NELL1: variants seen among roughly 807,000 people sequenced by gnomAD.
The protein encoded by NELL1 is neural EGFL like 1.
A neutral mutation model predicts 107.4 loss-of-function variants in NELL1; 76 were observed. That is an observed-to-expected ratio of 0.71 (90% CI 0.59 to 0.86). The LOEUF is 0.86. Ranked by LOEUF, NELL1 falls within the 40% of genes least tolerant of loss-of-function variation. The pLI is 0.00. For synonymous variants in NELL1, 353 were observed against 341.2 expected (o/e 1.03, Z -0.38); for missense variants, 1,024 against 1,005.5 (o/e 1.02, Z -0.25).
At chr11:20,762,469 CA>C (rs1856442512) in intron 2 of NELL1, among the ~76,000 whole-genome samples, 1 of 152,164 alleles carries the variant, frequency 6.6e-6, no homozygotes, top group East Asian at 1.9e-4. Context: ...AGCTTCAAAT[CA>C]TAATTAGGGC....
intron 15 of NELL1, among the ~76,000 whole-genome samples, chr11:21,417,391 T>C (rs1477078596): frequency 1.3e-5 from 2 of 152,082 alleles, no homozygotes; most frequent in Non-Finnish European, 2.9e-5. Context: ...AAGTTGTTTA[T>C]ATTTTTCATG....
rs180860440 is a variant in NELL1 at position 21,184,226 on chromosome 11, T to G, written c.1427-45106T>G. Among the ~76,000 whole-genome samples the G allele has an allele frequency of 3.7e-4, 56 of 152,004 alleles. 1 individual carries two copies. Among genetic ancestry groups the G allele is most frequent in the Admixed American group, 5.9e-4 (9 of 15,276 alleles). ...ACCCCATTCTATGTCCTCCTCTTTT[T>G]TCTTAGTTCATTGGCATGCAAATTG... On this transcript the variant is annotated intron_variant, in intron 13 of 19. Transcript: ENST00000357134.
intron 14 of NELL1, among the ~76,000 whole-genome samples, chr11:21,361,716 T>G (rs952794912): frequency 1.3e-5 from 2 of 152,124 alleles, no homozygotes; most frequent in African/African-American, 4.8e-5. Context: ...CTTAGTGGGT[T>G]AATTTGAAAG....
At chr11:20,679,377 G>A (rs1024526211) in intron 2 of NELL1, among the ~76,000 whole-genome samples, 1 of 152,132 alleles carries the variant, frequency 6.6e-6, no homozygotes, top group African/African-American at 2.4e-5. Context: ...AGCCTTTTAT[G>A]ATGATAACAA....
intron 16 of NELL1, among the ~76,000 whole-genome samples, chr11:21,537,881 TA>T (rs1282720130): frequency 6.6e-6 from 1 of 152,082 alleles, no homozygotes; most frequent in Non-Finnish European, 1.5e-5. Flanking sequence ...GTCTTTTATT[TA>T]AAAAAATGTT....
At chr11:20,897,034 C>A (rs545672130) in intron 5 of NELL1, among the ~76,000 whole-genome samples, 15 of 152,196 alleles carry the variant, frequency 9.9e-5, no homozygotes, top group Admixed American at 2.6e-4. Flanking sequence ...GCTACCAATG[C>A]CTTTCTTCAC....
At chr11:20,797,237 T>C (rs1027788645) in intron 3 of NELL1, among the ~76,000 whole-genome samples, 3 of 152,052 alleles carry the variant, frequency 2.0e-5, no homozygotes, top group Non-Finnish European at 4.4e-5. Context: ...TAGTGGAGAA[T>C]GGCATGGAGG....
At chr11:21,363,244 TG>T (rs1275195711) in intron 14 of NELL1, among the ~76,000 whole-genome samples, 3 of 152,216 alleles carry the variant, frequency 2.0e-5, no homozygotes, top group African/African-American at 7.2e-5. Context: ...GATGGCTTCC[TG>T]GGGCTCAAGT....
intron 14 of NELL1, among the ~76,000 whole-genome samples, chr11:21,309,833 A>G (rs1210233139): frequency 6.6e-6 from 1 of 152,110 alleles, no homozygotes; most frequent in East Asian, 1.9e-4. Flanking sequence ...AGTGCAGGAA[A>G]GACGCACCCC....
chr11:20,844,351 C>T lies in NELL1; in HGVS notation c.336-3232C>T, dbSNP rs116085886. On this transcript the variant is annotated intron_variant, in intron 3 of 19. Coordinates refer to ENST00000357134, the MANE Select transcript of NELL1 (RefSeq NM_006157.5). ...AAGAGGGAATATCACTGCTGTTTTC[C>T]GATATTTGCAGGATGAGCAGACTTT... Among the ~76,000 whole-genome samples the T allele has an allele frequency of 6.2e-3, 936 of 152,178 alleles. 11 individuals carry two copies. The highest frequency in any genetic ancestry group is 0.021 in the African/African-American group (858 of 41,508).
In NELL1 at chr11:21,333,354, T is replaced by C. The variant is rs186273696; in HGVS notation, c.1550-37499T>C. On this transcript the variant is annotated intron_variant, in intron 14 of 19. Coordinates refer to ENST00000357134, the MANE Select transcript of NELL1 (RefSeq NM_006157.5). ...ACGGTTAAGGTGAAATCAGACAATG[T>C]AGGTAAACCATTCTTGCCATATCAT... 1.1e-4 allele frequency among the ~76,000 whole-genome samples: 16 copies of C among 152,182 alleles called. No homozygotes were observed. In the East Asian group the frequency reaches 2.5e-3, roughly 24 times the overall value.
intron 13 of NELL1, among the ~76,000 whole-genome samples, chr11:21,203,463 C>T (rs181677464): frequency 4.9e-5 from 6 of 121,558 alleles, no homozygotes; most frequent in Admixed American, 1.9e-4. Context: ...TTTCAATTTG[C>T]GTGGTAAATA....
chr11:21,428,892 G>A (rs1852897486), intron 15 of NELL1, among the ~76,000 whole-genome samples: 1 of 152,160 alleles, frequency 6.6e-6, no homozygotes, highest in South Asian at 2.1e-4. Flanking sequence ...AATAATCTAT[G>A]GATAATCTAA....
chr11:21,185,293 C>CTTTT (rs11446941), intron 13 of NELL1, among the ~76,000 whole-genome samples: 5 of 118,466 alleles, frequency 4.2e-5, no homozygotes, highest in African/African-American at 6.5e-5. Flanking sequence ...ATTCCAGTAT[C>CTTTT]TTTTTTTTTT....
At chr11:21,191,806 A>G (rs1434500987) in intron 13 of NELL1, among the ~76,000 whole-genome samples, 2 of 151,944 alleles carry the variant, frequency 1.3e-5, no homozygotes, top group Admixed American at 6.5e-5. Context: ...GACACGAGTA[A>G]CTTCCTGCCT....
At chr11:21,096,110 G>A (rs1443818631) in intron 12 of NELL1, among the ~76,000 whole-genome samples, 1 of 152,146 alleles carries the variant, frequency 6.6e-6, no homozygotes. Flanking sequence ...TGGGGACATA[G>A]CCAAGCCATA....
chr11:20,808,474 G>C (rs1015508489), intron 3 of NELL1, among the ~76,000 whole-genome samples: 4 of 152,218 alleles, frequency 2.6e-5, no homozygotes, highest in African/African-American at 9.6e-5. Context: ...GCACTGCCTG[G>C]GGTTGGGGGA....
At chr11:20,941,627 AG>A (rs1442077130) in intron 10 of NELL1, among the ~76,000 whole-genome samples, 2 of 152,222 alleles carry the variant, frequency 1.3e-5, no homozygotes, top group East Asian at 1.9e-4. Context: ...CATTTTGCCT[AG>A]TGCCTTGTGC....
chr11:21,375,658 A>T (rs750644667), intron 15 of NELL1, among the ~76,000 whole-genome samples: 2 of 152,152 alleles, frequency 1.3e-5, no homozygotes, highest in African/African-American at 2.4e-5. Context: ...ACTAATTTAC[A>T]TTCCCACCAA....
Sources: gnomAD v4.1 joint callset for allele counts (sites outside exome capture counted in the v4.1 genomes callset) on GRCh38, gnomAD v4.1.1 for gene constraint, MANE v1.5 for transcripts, NCBI Gene and HGNC (gene_info 2026-07-23, HGNC 2026-07-21) for gene names.